Variants in DNAH7 observed in about 807,000 individuals in gnomAD.
The protein encoded by DNAH7 is dynein axonemal heavy chain 7.
In DNAH7, 397 loss-of-function variants were observed where a neutral mutation model predicts 444.6. The observed-to-expected ratio is 0.89, with a 90% CI of 0.82 to 0.97. The LOEUF (loss-of-function observed/expected upper bound fraction) is 0.97. Among genes scored for constraint, DNAH7 ranks in the 50% least tolerant of loss-of-function variants. The pLI, the probability that DNAH7 is intolerant of heterozygous loss-of-function variation, is 0.00. For missense variants in DNAH7, 4,902 were observed against 4,800.8 expected, an observed-to-expected ratio of 1.02 and a Z score of -0.62; for synonymous variants, 1,636 against 1,624.4, an observed-to-expected ratio of 1.01 and a Z score of -0.17.
At chr2:196,004,354 T>C (rs1694229759) in intron 10 of DNAH7, among the ~76,000 whole-genome samples, 2 of 152,150 alleles carry the variant, frequency 1.3e-5, no homozygotes, top group African/African-American at 4.8e-5. Flanking sequence ...GGGATACACA[T>C]GCAAGTTGCT....
intron 10 of DNAH7, among the ~76,000 whole-genome samples, chr2:196,002,986 T>C (rs563043643): frequency 6.7e-6 from 1 of 150,222 alleles, no homozygotes; most frequent in East Asian, 1.9e-4. Flanking sequence ...CCAGCCTGGG[T>C]GACGAGAGTG....
intron 8 of DNAH7, among the ~76,000 whole-genome samples, chr2:196,020,661 A>G (rs1695324935): frequency 6.9e-6 from 1 of 144,228 alleles, no homozygotes; most frequent in Non-Finnish European, 1.5e-5. Context: ...CCCAGGCTGG[A>G]GTGCAGTGGC....
At chr2:196,039,641 T>C (rs958635427) in intron 5 of DNAH7, among the ~76,000 whole-genome samples, 1 of 151,578 alleles carries the variant, frequency 6.6e-6, no homozygotes. Context: ...CTGCTAAAAA[T>C]AGAAAAAATT....
chr2:195,976,323 A>T (rs570698917), intron 15 of DNAH7, among the ~76,000 whole-genome samples: 1 of 152,194 alleles, frequency 6.6e-6, no homozygotes, highest in Non-Finnish European at 1.5e-5. Context: ...GGTGGTGGAC[A>T]TAAGAGTCTC....
At chr2:196,032,470 G>A (rs556293493) in intron 5 of DNAH7, among the ~76,000 whole-genome samples, 1 of 152,298 alleles carries the variant, frequency 6.6e-6, no homozygotes, top group South Asian at 2.1e-4. Context: ...GAGAGAATGA[G>A]TAGGAAGGCT....
intron 21 of DNAH7, among the ~76,000 whole-genome samples, chr2:195,926,776 T>C (rs1485199734): frequency 1.3e-5 from 2 of 152,022 alleles, no homozygotes; most frequent in Non-Finnish European, 2.9e-5. Context: ...TTACATAACA[T>C]TTTATTTTCC....
intron 29 of DNAH7, 58 bp from the exon 30 acceptor site, chr2:195,895,282 T>TA: frequency 3.4e-6 from 4 of 1,191,016 alleles, no homozygotes; most frequent in Non-Finnish European, 4.6e-6. Context: ...AATACAAATA[T>TA]TTTGTATTGA....
At chr2:196,038,541 A>G (rs2125821690) in intron 5 of DNAH7, among the ~76,000 whole-genome samples, 1 of 152,248 alleles carries the variant, frequency 6.6e-6, no homozygotes, top group East Asian at 1.9e-4. Flanking sequence ...AAAGATACAG[A>G]CTAGTTGAGT....
At chr2:195,810,466 C>T (rs997689866) in intron 51 of DNAH7, among the ~76,000 whole-genome samples, 32 of 152,182 alleles carry the variant, frequency 2.1e-4, no homozygotes, top group African/African-American at 7.7e-4. Context: ...GGAGTGAGTG[C>T]AGTGATGCAA....
Position 195,771,810 on chromosome 2 carries a change from T to C in DNAH7, c.11283A>G (p.Pro3761=), listed in dbSNP as rs1487121049. ...TGGCAGCCTCGATGTCGAAGTTGTTTGGAAGTTTGCCCAAGATGTCACTAG... is the reference window on the plus strand; with the variant it reads ...TGGCAGCCTCGATGTCGAAGTTGTTCGGAAGTTTGCCCAAGATGTCACTAG... ...EVASDILGKL[P]NNFDIEAAMR... The change falls in exon 61 of 65, where the codon CCA becomes CCG. Residue 3761 remains proline, a synonymous_variant. Transcript: ENST00000312428. 1 of 1,614,076 alleles carries C rather than the reference T, an allele frequency of 6.2e-7. No homozygotes were observed. Among genetic ancestry groups the C allele is most frequent in the African/African-American group, 1.3e-5 (1 of 74,940 alleles).
At chr2:195,888,534 C>CCG in intron 32 of DNAH7, 100 bp from the exon 33 acceptor site, 1 of 1,208,970 alleles carries the variant, frequency 8.3e-7, no homozygotes, top group South Asian at 1.6e-5. Context: ...AAGTCTTGGG[C>CCG]GGGGGGAAGC....
intron 22 of DNAH7, among the ~76,000 whole-genome samples, chr2:195,925,584 G>C (rs1559230975): frequency 1.3e-5 from 2 of 152,162 alleles, no homozygotes; most frequent in Non-Finnish European, 2.9e-5. Context: ...TTGTAGAGGA[G>C]AAGTAGGTGA....
At chr2:195,879,738 T>TA (rs1212152396) in intron 36 of DNAH7, among the ~76,000 whole-genome samples, 7 of 152,136 alleles carry the variant, frequency 4.6e-5, no homozygotes, top group Admixed American at 4.6e-4. Flanking sequence ...AATTATTCTA[T>TA]AAAAGCTGTG....
intron 21 of DNAH7, among the ~76,000 whole-genome samples, chr2:195,932,811 T>A (rs1462454341): frequency 6.6e-6 from 1 of 152,142 alleles, no homozygotes; most frequent in Non-Finnish European, 1.5e-5. Flanking sequence ...TGCTGCTGGA[T>A]TCGGTTTGCC....
rs1309344389 is a variant in DNAH7 at position 195,883,842 on chromosome 2, T to C, written c.5763+743A>G. Reference sequence around the variant, plus strand: ...AGGATATAATCAGATATGTACCCAATGACTTGTATCTAAGAATATTTACCA... The same window carrying C: ...AGGATATAATCAGATATGTACCCAACGACTTGTATCTAAGAATATTTACCA... On this transcript the variant is annotated intron_variant, in intron 35 of 64. Coordinates refer to ENST00000312428, the MANE Select transcript of DNAH7 (RefSeq NM_018897.3). Among the ~76,000 whole-genome samples, 7 of 152,146 alleles carry C rather than the reference T, an allele frequency of 4.6e-5. No homozygotes were observed. The East Asian group carries it at 7.7e-4, about 17-fold the overall frequency.
chr2:195,893,411 T>C (rs534238926), intron 30 of DNAH7: 1 of 152,328 alleles, frequency 6.6e-6, no homozygotes, highest in South Asian at 2.1e-4. Context: ...ATTTTTGTAT[T>C]TTTAGTAGAG....
chr2:195,927,828 C>T (rs1179463983), intron 21 of DNAH7, among the ~76,000 whole-genome samples: 1 of 152,064 alleles, frequency 6.6e-6, no homozygotes, highest in Non-Finnish European at 1.5e-5. Context: ...CAGTAACACA[C>T]ATATCTCCTA....
chr2:195,836,829 C>G (rs1395181192), intron 47 of DNAH7, among the ~76,000 whole-genome samples: 1 of 152,158 alleles, frequency 6.6e-6, no homozygotes, highest in Admixed American at 6.5e-5. Context: ...GAATTACTCA[C>G]TCTTGTATCA....
chr2:195,781,908 C>T (rs1198773566), intron 58 of DNAH7, among the ~76,000 whole-genome samples: 1 of 148,772 alleles, frequency 6.7e-6, no homozygotes, highest in Non-Finnish European at 1.5e-5. Flanking sequence ...CACATATGCC[C>T]CAGGATGTGA....
Sources: gnomAD v4.1 joint callset for allele counts (sites outside exome capture counted in the v4.1 genomes callset) on GRCh38, gnomAD v4.1.1 for gene constraint, MANE v1.5 for transcripts, NCBI Gene and HGNC (gene_info 2026-07-23, HGNC 2026-07-21) for gene names.